CCDC191: variants seen among roughly 807,000 people sequenced by gnomAD.
CCDC191 encodes the protein coiled-coil domain containing 191, also known as coiled-coil domain-containing protein 191.
CCDC191 carries 99 observed loss-of-function variants against 114.0 expected under a neutral mutation model. That is an observed-to-expected ratio of 0.87 (90% CI 0.74 to 1.03). The LOEUF (loss-of-function observed/expected upper bound fraction) is 1.03, where lower values mean the gene tolerates loss of function less well. Among genes scored for constraint, CCDC191 ranks in the 50% least tolerant of loss-of-function variants. CCDC191 has a pLI of 0.00. For missense variants in CCDC191, 973 were observed against 1,087.0 expected, an observed-to-expected ratio of 0.90 and a Z score of 1.47; for synonymous variants, 351 against 376.0, an observed-to-expected ratio of 0.93 and a Z score of 0.77.
At chr3:114,006,615 TATAA>T (rs1252366022) in intron 9 of CCDC191, among the ~76,000 whole-genome samples, 4 of 84,778 alleles carry the variant, frequency 4.7e-5, no homozygotes, top group African/African-American at 1.4e-4. Flanking sequence ...TATATATATA[TATAA>T]ATATATATAT....
chr3:114,021,299 C>T (rs893920428), intron 7 of CCDC191, among the ~76,000 whole-genome samples: 15 of 151,888 alleles, frequency 9.9e-5, no homozygotes, highest in Non-Finnish European at 2.2e-4. Flanking sequence ...ACTTTGAGAC[C>T]AAAATGATCA....
At chr3:114,002,852 G>C in intron 11 of CCDC191, 1 of 974,696 alleles carries the variant, frequency 1.0e-6, no homozygotes, top group Non-Finnish European at 1.2e-6. Flanking sequence ...ATGAAACCCA[G>C]AAACCAGAAT....
intron 13 of CCDC191, among the ~76,000 whole-genome samples, chr3:113,992,861 A>G (rs752228548): frequency 6.6e-6 from 1 of 152,226 alleles, no homozygotes; most frequent in Non-Finnish European, 1.5e-5. Context: ...TACAAAAAAA[A>G]TTATAGGCCA....
chr3:114,033,622 T>C (rs2076439813), intron 6 of CCDC191, among the ~76,000 whole-genome samples: 1 of 152,240 alleles, frequency 6.6e-6, no homozygotes, highest in Non-Finnish European at 1.5e-5. Flanking sequence ...TGAACATTTG[T>C]TGAGTGCCCA....
intron 13 of CCDC191, among the ~76,000 whole-genome samples, chr3:113,998,346 C>T (rs1173250943): frequency 6.6e-6 from 1 of 151,356 alleles, no homozygotes; most frequent in East Asian, 1.9e-4. Flanking sequence ...TATAAAACAG[C>T]CTCAGGCAGG....
intron 13 of CCDC191, among the ~76,000 whole-genome samples, chr3:113,988,688 A>G (rs900298259): frequency 4.6e-5 from 7 of 151,950 alleles, no homozygotes; most frequent in African/African-American, 1.7e-4. Context: ...CTTTAAAGTT[A>G]ATGGGCTAAA....
At chr3:114,017,643 AAAAACATGAAT>A (rs2076181177) in intron 8 of CCDC191, among the ~76,000 whole-genome samples, 3 of 152,156 alleles carry the variant, frequency 2.0e-5, no homozygotes, top group Admixed American at 1.3e-4. Context: ...GATTACTTAT[AAAAACATGAAT>A]TTCTCCCCAA....
chr3:114,034,444 G>A (rs931631433), intron 6 of CCDC191, among the ~76,000 whole-genome samples: 1 of 152,072 alleles, frequency 6.6e-6, no homozygotes. Context: ...TGTTTCAAGA[G>A]TCAGAAAAAG....
At chr3:114,004,569 C>T (rs747924913) in intron 11 of CCDC191, 68 bp downstream of exon 11, 1,123 of 1,561,684 alleles carry the variant, frequency 7.2e-4, no homozygotes, top group Non-Finnish European at 8.9e-4. Flanking sequence ...GAATTCAGTC[C>T]CAGTGTACAC....
intron 7 of CCDC191, among the ~76,000 whole-genome samples, chr3:114,030,489 A>C (rs1026741762): frequency 6.6e-6 from 1 of 152,162 alleles, no homozygotes; most frequent in African/African-American, 2.4e-5. Context: ...AGAATGCAGA[A>C]TCTAAGTCCT....
At chr3:114,013,322 A>C (rs2076105026) in intron 8 of CCDC191, among the ~76,000 whole-genome samples, 1 of 152,186 alleles carries the variant, frequency 6.6e-6, no homozygotes, top group South Asian at 2.1e-4. Context: ...TGAGGCAGAA[A>C]GGCAGAAGCA....
intron 7 of CCDC191, among the ~76,000 whole-genome samples, chr3:114,024,814 A>G (rs1432180754): frequency 6.6e-6 from 1 of 152,240 alleles, no homozygotes; most frequent in African/African-American, 2.4e-5. Flanking sequence ...ACAAACCTGC[A>G]CGTTGTGCAC....
At chr3:114,004,469 C>T in intron 11 of CCDC191, 168 bp downstream of exon 11, 1 of 1,225,048 alleles carries the variant, frequency 8.2e-7, no homozygotes, top group Non-Finnish European at 1.0e-6. Context: ...AGTAGTGGGG[C>T]TCTCTGGTGT....
intron 9 of CCDC191, among the ~76,000 whole-genome samples, chr3:114,007,340 AG>A (rs1438974194): frequency 1.3e-5 from 2 of 152,206 alleles, no homozygotes; most frequent in South Asian, 2.1e-4. Context: ...CCCCATCCTT[AG>A]GGACTCAAAA....
At chr3:114,046,812 A>T in intron 2 of CCDC191, 80 bp from the exon 3 acceptor site, 1 of 1,466,462 alleles carries the variant, frequency 6.8e-7, no homozygotes, top group Non-Finnish European at 9.0e-7. Flanking sequence ...TACTCAAGAA[A>T]CTGATTTTCT....
chr3:114,019,947 C>G (rs547944722), intron 7 of CCDC191, among the ~76,000 whole-genome samples: 6 of 152,228 alleles, frequency 3.9e-5, no homozygotes, highest in African/African-American at 1.4e-4. Flanking sequence ...CTTTTCTCCC[C>G]TAGACTGTGA....
intron 6 of CCDC191, among the ~76,000 whole-genome samples, chr3:114,033,254 C>T (rs555189982): frequency 5.9e-5 from 9 of 152,010 alleles, no homozygotes; most frequent in Non-Finnish European, 8.8e-5. Flanking sequence ...TGTGCCACCA[C>T]GCCCATAAAA....
chr3:113,994,422 C>A lies in CCDC191; in HGVS notation c.2163+7173G>T, dbSNP rs113412412. 5.1e-3 allele frequency among the ~76,000 whole-genome samples: 782 copies of A among 152,228 alleles called. 8 individuals are homozygous for A. Among genetic ancestry groups the A allele is most frequent in the African/African-American group, 0.017 (709 of 41,542 alleles). Reference sequence around the variant, plus strand: ...CTGATGAGGATGTGCAACAAAAAGACCTTTCATTTATCACTGGTAGGAACA... The same window carrying A: ...CTGATGAGGATGTGCAACAAAAAGAACTTTCATTTATCACTGGTAGGAACA... On this transcript the variant is annotated intron_variant, in intron 13 of 16. Transcript: ENST00000295878.
rs147063618 is a variant in CCDC191, at chr3:113,995,307, C to G, written c.2163+6288G>C. Among the ~76,000 whole-genome samples the G allele has an allele frequency of 2.6e-4, 39 of 152,074 alleles. No individual in the cohort carries two copies. In the East Asian group the frequency reaches 7.5e-3, roughly 29 times the overall value. On this transcript the variant is annotated intron_variant, in intron 13 of 16. Coordinates refer to ENST00000295878, the MANE Select transcript of CCDC191 (RefSeq NM_020817.2). The stretch of plus-strand genomic sequence containing the variant: ...AAAACCGCATTTATACCCCCTAAAT[C>G]TATAAAAATTAAAAAATGAGGGGTA...
Sources: allele counts gnomAD v4.1 joint callset (sites outside exome capture counted in the v4.1 genomes callset), GRCh38; gene constraint gnomAD v4.1.1; transcripts MANE v1.5; gene names NCBI Gene and HGNC (gene_info 2026-07-23, HGNC 2026-07-21).